PCDH11X: variants seen among roughly 807,000 people sequenced by gnomAD.
PCDH11X encodes the protein protocadherin 11 X-linked.
In PCDH11X, 18 loss-of-function variants were observed where a neutral mutation model predicts 53.3. The observed-to-expected ratio is 0.34, with a 90% CI of 0.23 to 0.50. PCDH11X has a LOEUF of 0.50. Ranked by LOEUF, PCDH11X falls within the 20% of genes least tolerant of loss-of-function variation. The pLI is 0.98. For missense variants in PCDH11X, 570 were observed against 1,032.4 expected (o/e 0.55, Z 6.14); for synonymous variants, 279 against 393.3 (o/e 0.71, Z 3.44).
At chrX:91,993,570 A>C in intron 6 of PCDH11X, among the ~76,000 whole-genome samples, 1 of 111,575 alleles carries the variant, frequency 9.0e-6, no homozygotes. Context: ...ATTGTGCTAA[A>C]ATTCATGTTA....
chrX:92,401,788 G>C (rs1332871537), intron 9 of PCDH11X, among the ~76,000 whole-genome samples: 1 of 112,050 alleles, frequency 8.9e-6, no homozygotes, highest in Admixed American at 9.5e-5. Flanking sequence ...TGAGGGTTCT[G>C]GAAGCAATAA....
At chrX:92,153,214 C>G (rs2065471456) in intron 6 of PCDH11X, among the ~76,000 whole-genome samples, 1 of 109,234 alleles carries the variant, frequency 9.2e-6, no homozygotes, top group Non-Finnish European at 1.9e-5. Flanking sequence ...GAGGATGCAT[C>G]TGTATAGTTC....
chrX:92,528,367 A>G (rs2074494927), intron 10 of PCDH11X, among the ~76,000 whole-genome samples: 2 of 108,775 alleles, frequency 1.8e-5, no homozygotes, highest in African/African-American at 6.7e-5. Context: ...ATTTTGGCTT[A>G]CCGCAACCTC....
rs142226516 is a variant in PCDH11X at position 92,345,889 on chromosome X, GTT to G, written c.3145-41834_3145-41833del. On this transcript the variant is annotated intron_variant, in intron 8 of 10. Transcript: ENST00000682573. ...CAGAAACGTATCAAAGTTAGTACCT[GTT>G]TTTTTTTTTTTCTGATAAAAGTACT... is the stretch of plus-strand genomic sequence containing the variant. Among the ~76,000 whole-genome samples, 325 of 99,200 alleles carry G rather than the reference GTT, an allele frequency of 3.3e-3. 6 individuals are homozygous for G. In the East Asian group the frequency reaches 0.057, roughly 17 times the overall value. 86.1% of individuals were successfully genotyped at this position (99,200 alleles called of 115,157 possible).
At chrX:92,535,876 A>G (rs774253070) in intron 10 of PCDH11X, among the ~76,000 whole-genome samples, 1 of 109,707 alleles carries the variant, frequency 9.1e-6, no homozygotes, top group South Asian at 4.0e-4. Context: ...GATTTTAAGA[A>G]GCTTAATTAC....
intron 4 of PCDH11X, 175 bp from the exon 5 acceptor site, chrX:91,835,286 C>T (rs936804808): frequency 3.3e-5 from 37 of 1,133,918 alleles, no homozygotes; most frequent in Middle Eastern, 2.6e-4. Flanking sequence ...TCTTAATGTA[C>T]GAATTCATAA....
intron 6 of PCDH11X, among the ~76,000 whole-genome samples, chrX:92,057,855 T>C (rs2063471852): frequency 9.5e-6 from 1 of 104,895 alleles, no homozygotes; most frequent in African/African-American, 3.7e-5. Context: ...TGGATTCAAT[T>C]CTGAATCCAG....
At chrX:92,390,828 G>A (rs1052549202) in intron 9 of PCDH11X, among the ~76,000 whole-genome samples, 3 of 96,385 alleles carry the variant, frequency 3.1e-5, no homozygotes, top group Non-Finnish European at 6.3e-5. Flanking sequence ...TTGCTAGAGG[G>A]ATTTATTAAT....
At chrX:92,121,741 T>TA (rs61136553) in intron 6 of PCDH11X, among the ~76,000 whole-genome samples, 2 of 110,189 alleles carry the variant, frequency 1.8e-5, no homozygotes, top group Admixed American at 9.8e-5. Flanking sequence ...TTTATTTATT[T>TA]TTTGAGATGG....
In PCDH11X at chrX:92,132,062, A is replaced by G. The variant is rs1426838284; in HGVS notation, c.3034-69313A>G. On this transcript the variant is annotated intron_variant, in intron 6 of 10. Transcript: ENST00000682573. ...CGAGGTGGGAGGATCACCTGAGGTC[A>G]GGCGTTCGAGACCAGCCTGGCCAAC... is the stretch of plus-strand genomic sequence containing the variant. Among the ~76,000 whole-genome samples the G allele has an allele frequency of 6.0e-5, 6 of 99,293 alleles. No homozygotes were observed. In the East Asian group the frequency reaches 1.9e-3, roughly 32 times the overall value. The allele number at this position is 99,293 out of a possible 115,157, so 86.2% of individuals were successfully genotyped here.
chrX:92,198,292 T>C (rs141502641), intron 6 of PCDH11X, among the ~76,000 whole-genome samples: 5,327 of 103,636 alleles, frequency 0.051, 247 homozygotes, highest in East Asian at 0.19. Context: ...GTGCCTGTAG[T>C]CTCAGCTACT....
At chrX:92,613,005 A>T (rs1462272801) in intron 10 of PCDH11X, among the ~76,000 whole-genome samples, 1 of 108,858 alleles carries the variant, frequency 9.2e-6, no homozygotes, top group Non-Finnish European at 1.9e-5. Flanking sequence ...ATGTTTATGC[A>T]TGTGTGTTGG....
chrX:91,852,665 C>G (rs1355492211), intron 5 of PCDH11X, among the ~76,000 whole-genome samples: 1 of 111,234 alleles, frequency 9.0e-6, no homozygotes, highest in Non-Finnish European at 1.9e-5. Flanking sequence ...CTAGATAATT[C>G]TTCCTTGTGG....
chrX:92,217,457 G>T (rs953158023), intron 7 of PCDH11X, among the ~76,000 whole-genome samples: 1 of 98,181 alleles, frequency 1.0e-5, no homozygotes. Flanking sequence ...AGACAAAGAA[G>T]GCCATTACAT....
intron 6 of PCDH11X, among the ~76,000 whole-genome samples, chrX:91,934,927 T>C (rs1420951799): frequency 1.0e-5 from 1 of 95,283 alleles, no homozygotes; most frequent in Non-Finnish European, 2.1e-5. Context: ...GATATGTTAC[T>C]GAGTTTAAAC....
chrX:91,879,814 C>T, intron 6 of PCDH11X: 1 of 747,135 alleles, frequency 1.3e-6, no homozygotes, highest in Non-Finnish European at 1.6e-6. Flanking sequence ...AGATTAGGAA[C>T]TCAAAATTAT....
intron 6 of PCDH11X, among the ~76,000 whole-genome samples, chrX:92,161,567 G>A (rs1315559449): frequency 3.6e-5 from 4 of 109,766 alleles, no homozygotes; most frequent in Non-Finnish European, 7.6e-5. Context: ...TAGGTCTCTA[G>A]CAAGGCCGGG....
At chrX:91,830,324 T>A (rs1233458473) in intron 4 of PCDH11X, among the ~76,000 whole-genome samples, 1 of 111,336 alleles carries the variant, frequency 9.0e-6, no homozygotes, top group Non-Finnish European at 1.9e-5. Flanking sequence ...ATGTGAAAAA[T>A]TAGACATGTA....
At chrX:92,376,672 C>A (rs2754853) in intron 8 of PCDH11X, among the ~76,000 whole-genome samples, 1 of 111,786 alleles carries the variant, frequency 8.9e-6, no homozygotes, top group Admixed American at 9.5e-5. Context: ...GTTCGGAGTG[C>A]GCTACTCTTT....
Sources: allele counts gnomAD v4.1 joint callset (sites outside exome capture counted in the v4.1 genomes callset), GRCh38; gene constraint gnomAD v4.1.1; transcripts MANE v1.5; gene names NCBI Gene and HGNC (gene_info 2026-07-23, HGNC 2026-07-21).